The following NFATC2 variants were observed in gnomAD, a reference collection of about 807,000 sequenced individuals.
NFATC2 encodes the protein nuclear factor of activated T-cells, cytoplasmic 2.
In NFATC2, 22 loss-of-function variants were observed where a neutral mutation model predicts 87.3. That is an observed-to-expected ratio of 0.25 (90% CI 0.18 to 0.36). NFATC2 has a LOEUF of 0.36. Among genes scored for constraint, NFATC2 ranks in the 10% least tolerant of loss-of-function variants. NFATC2 has a pLI of 1.00. For missense variants in NFATC2, 1,149 were observed against 1,259.1 expected (o/e 0.91, Z 1.32); for synonymous variants, 565 against 542.2 (o/e 1.04, Z -0.58).
chr20:51,397,770 C>G (rs904844055), intron 10 of NFATC2, among the ~76,000 whole-genome samples: 4 of 152,186 alleles, frequency 2.6e-5, no homozygotes, highest in Non-Finnish European at 5.9e-5. Flanking sequence ...TCATGCTTCT[C>G]AAGCGTCAGC....
chr20:51,482,185 T>C (rs1989319547), intron 3 of NFATC2, among the ~76,000 whole-genome samples: 1 of 148,040 alleles, frequency 6.8e-6, no homozygotes, highest in African/African-American at 2.5e-5. Context: ...AGCTCAGCAA[T>C]AAGAACCCAG....
chr20:51,436,736 A>G (rs920929179), intron 6 of NFATC2, among the ~76,000 whole-genome samples: 1 of 151,934 alleles, frequency 6.6e-6, no homozygotes, highest in African/African-American at 2.4e-5. Context: ...ACAAACAAAC[A>G]AACAAATAAA....
chr20:51,538,939 T>C (rs1386347050), intron 1 of NFATC2, among the ~76,000 whole-genome samples: 2 of 152,162 alleles, frequency 1.3e-5, no homozygotes, highest in Non-Finnish European at 2.9e-5. Context: ...CTGGTTTGCA[T>C]GTGTCTCTCA....
At chr20:51,517,903 A>G (rs1391334072) in intron 2 of NFATC2, among the ~76,000 whole-genome samples, 1 of 123,450 alleles carries the variant, frequency 8.1e-6, no homozygotes, top group Non-Finnish European at 1.7e-5. Flanking sequence ...GGTAACAGAG[A>G]GACTGTCTCA....
At chr20:51,418,655 TTTGG>T (rs1315946159) in intron 9 of NFATC2, among the ~76,000 whole-genome samples, 1 of 148,776 alleles carries the variant, frequency 6.7e-6, no homozygotes, top group East Asian at 2.0e-4. Flanking sequence ...TTGTTGTTTG[TTTGG>T]TTTTTTTTTT....
intron 3 of NFATC2, among the ~76,000 whole-genome samples, chr20:51,484,637 C>T (rs939367458): frequency 1.3e-5 from 2 of 152,226 alleles, no homozygotes; most frequent in Non-Finnish European, 2.9e-5. Flanking sequence ...AGCTGTTATA[C>T]GCCCACACCG....
intron 6 of NFATC2, among the ~76,000 whole-genome samples, chr20:51,442,476 A>C (rs900638013): frequency 6.6e-5 from 10 of 152,168 alleles, no homozygotes; most frequent in African/African-American, 2.4e-4. Flanking sequence ...CAGATTTTAA[A>C]AAAATGCTGC....
At chr20:51,551,211 C>T (rs969269565) in intron 1 of NFATC2, among the ~76,000 whole-genome samples, 13 of 152,086 alleles carry the variant, frequency 8.5e-5, no homozygotes, top group African/African-American at 3.1e-4. Flanking sequence ...GCACCAAAAA[C>T]TCAGTAATTA....
At chr20:51,461,634 G>C (rs1987161328) in intron 5 of NFATC2, among the ~76,000 whole-genome samples, 1 of 152,258 alleles carries the variant, frequency 6.6e-6, no homozygotes, top group Non-Finnish European at 1.5e-5. Flanking sequence ...CAAAGGTTCA[G>C]CGAAGAAAAC....
chr20:51,537,926 G>A (rs189857476), intron 1 of NFATC2, among the ~76,000 whole-genome samples: 1 of 152,228 alleles, frequency 6.6e-6, no homozygotes, highest in East Asian at 1.9e-4. Flanking sequence ...GAAAGATAGA[G>A]TTTACAAAAA....
chr20:51,484,109 C>T (rs1043952419), intron 3 of NFATC2, among the ~76,000 whole-genome samples: 3 of 151,786 alleles, frequency 2.0e-5, no homozygotes, highest in Middle Eastern at 3.4e-3. Flanking sequence ...TCCCTCCCTG[C>T]TGCCCCCCAT....
rs55906635 is a variant in NFATC2 at position 51,435,475 on chromosome 20, G to A, written c.1906-161C>T. On this transcript the variant is annotated intron_variant, in intron 7 of 10. Coordinates refer to ENST00000371564, the MANE Select transcript of NFATC2 (RefSeq NM_012340.5). ...TTTCAGGGGAATTTAACTTGTCAGC[G>A]GCAGCAAAAAATAATACTCCATCAA... Among the ~76,000 whole-genome samples, 9 of 152,118 alleles carry A rather than the reference G, an allele frequency of 5.9e-5. No homozygotes were observed. In the South Asian group the frequency reaches 1.5e-3, roughly 25 times the overall value.
At chr20:51,544,675 T>C (rs2076874914), upstream of NFATC2, among the ~76,000 whole-genome samples, 1 of 152,200 alleles carries the variant, frequency 6.6e-6, no homozygotes, top group South Asian at 2.1e-4. Context: ...TAACCCAGAC[T>C]ACACATTAGA....
At chr20:51,415,288 G>A (rs1979889904) in intron 9 of NFATC2, among the ~76,000 whole-genome samples, 1 of 151,054 alleles carries the variant, frequency 6.6e-6, no homozygotes, top group Admixed American at 6.6e-5. Context: ...TCAGGAGAAA[G>A]TCTCCCTTCT....
At chr20:51,435,085 C>T in intron 8 of NFATC2, 103 bp downstream of exon 8, 8 of 1,437,168 alleles carry the variant, frequency 5.6e-6, no homozygotes, top group Non-Finnish European at 5.7e-6. Flanking sequence ...GAGGTTGAGT[C>T]ATCTGTCCAA....
chr20:51,433,640 C>T (rs1488382421), intron 8 of NFATC2, among the ~76,000 whole-genome samples: 1 of 152,166 alleles, frequency 6.6e-6, no homozygotes, highest in Admixed American at 6.5e-5. Flanking sequence ...CATACTAAAG[C>T]ATTACCAATC....
chr20:51,432,831 T>C lies in NFATC2; in HGVS notation c.2033-75A>G. On this transcript the variant is annotated intron_variant, in intron 8 of 10. Coordinates refer to ENST00000371564, the MANE Select transcript of NFATC2 (RefSeq NM_012340.5). The surrounding 1 kb of genome is among the most constrained non-coding windows in gnomAD (Gnocchi z 4.6). ...ATGTGCACGGAGGATTCGTGGATGGTGCTTGAGAACATGGCCTTGGGAGTC... is the reference window on the plus strand; with the variant it reads ...ATGTGCACGGAGGATTCGTGGATGGCGCTTGAGAACATGGCCTTGGGAGTC... 12 of 1,347,842 alleles carry C rather than the reference T, an allele frequency of 8.9e-6. No individual in the cohort carries two copies. Among genetic ancestry groups the C allele is most frequent in the Non-Finnish European group, 1.2e-5 (12 of 1,016,114 alleles). 83.5% of individuals were successfully genotyped at this position (1,347,842 alleles called of 1,614,324 possible).
chr20:51,492,381 G>A (rs949935467), intron 3 of NFATC2, among the ~76,000 whole-genome samples: 2 of 152,200 alleles, frequency 1.3e-5, no homozygotes, highest in African/African-American at 4.8e-5. Flanking sequence ...GTGCGTGAGT[G>A]CGGCATGACA....
chr20:51,551,844 G>A (rs536455330), intron 1 of NFATC2, among the ~76,000 whole-genome samples: 8 of 151,388 alleles, frequency 5.3e-5, no homozygotes, highest in Middle Eastern at 3.5e-3. Flanking sequence ...TGGCTAACAT[G>A]GTGAAACCCA....
Sources: allele counts gnomAD v4.1 joint callset (sites outside exome capture counted in the v4.1 genomes callset), GRCh38; gene constraint gnomAD v4.1.1; non-coding constraint Gnocchi (gnomAD v3.1); transcripts MANE v1.5; gene names NCBI Gene and HGNC (gene_info 2026-07-23, HGNC 2026-07-21).